HS2ST1: variants seen among roughly 807,000 people sequenced by gnomAD.
The protein encoded by HS2ST1 is 2-O-sulfotransferase.
Under a neutral mutation model 42.9 loss-of-function variants are expected in HS2ST1, and 18 were observed. The ratio of observed to expected loss-of-function variants is 0.42; its 90% CI spans 0.29 to 0.62. HS2ST1 has a LOEUF of 0.62. HS2ST1 is among the 20% of genes least tolerant of loss of function. The pLI is 0.21. For missense variants in HS2ST1, 334 were observed against 433.8 expected, an observed-to-expected ratio of 0.77 and a Z score of 2.04; for synonymous variants, 146 against 152.9, an observed-to-expected ratio of 0.95 and a Z score of 0.33.
chr1:86,966,873 TA>T (rs1292186707), intron 1 of HS2ST1, among the ~76,000 whole-genome samples: 1 of 150,580 alleles, frequency 6.6e-6, no homozygotes, highest in East Asian at 2.0e-4. Flanking sequence ...TTGGGTCATT[TA>T]AAAAAATAAT....
At chr1:86,927,611 GCAC>G (rs1482211927) in intron 1 of HS2ST1, among the ~76,000 whole-genome samples, 1 of 152,120 alleles carries the variant, frequency 6.6e-6, no homozygotes, top group Non-Finnish European at 1.5e-5. Context: ...GTACAGGTAA[GCAC>G]TCAGAAATGA....
intron 1 of HS2ST1, among the ~76,000 whole-genome samples, chr1:86,938,997 A>G (rs1405721700): frequency 6.6e-6 from 1 of 152,234 alleles, no homozygotes; most frequent in East Asian, 1.9e-4. Flanking sequence ...ACTTGAACAT[A>G]TATAAAGCTC....
At chr1:87,039,231 A>G (rs1028004173) in intron 1 of HS2ST1, among the ~76,000 whole-genome samples, 3 of 152,222 alleles carry the variant, frequency 2.0e-5, no homozygotes, top group Admixed American at 6.5e-5. Context: ...GCTAAAAGTT[A>G]AAGTATCTTG....
At chr1:86,993,235 A>G (rs1266522488) in intron 1 of HS2ST1, 5 of 1,318,266 alleles carry the variant, frequency 3.8e-6, no homozygotes, top group Admixed American at 2.6e-5. Flanking sequence ...GTATGCAACC[A>G]TACTTAGAAA....
chr1:86,921,004 A>C (rs1660280603), intron 1 of HS2ST1, among the ~76,000 whole-genome samples: 1 of 152,184 alleles, frequency 6.6e-6, no homozygotes, highest in African/African-American at 2.4e-5. Context: ...ATGTTGTCTT[A>C]ATTAGCTTGA....
At chr1:86,920,639 T>A (rs1028341801) in intron 1 of HS2ST1, among the ~76,000 whole-genome samples, 1 of 152,140 alleles carries the variant, frequency 6.6e-6, no homozygotes, top group Non-Finnish European at 1.5e-5. Context: ...CTTAGAGAAA[T>A]TGAAATAATA....
chr1:87,092,113 A>G (rs557216603), intron 3 of HS2ST1, among the ~76,000 whole-genome samples: 4 of 152,078 alleles, frequency 2.6e-5, no homozygotes, highest in Admixed American at 6.6e-5. Context: ...AATGTAATAA[A>G]GCAATTTTTA....
intron 1 of HS2ST1, among the ~76,000 whole-genome samples, chr1:87,007,041 A>G (rs186074703): frequency 3.9e-5 from 6 of 151,970 alleles, no homozygotes; most frequent in South Asian, 4.2e-4. Flanking sequence ...AGAAGGGTCA[A>G]TTTTTTTTCT....
At chr1:87,094,017 G>C (rs564254328) in intron 4 of HS2ST1, among the ~76,000 whole-genome samples, 1 of 152,014 alleles carries the variant, frequency 6.6e-6, no homozygotes, top group South Asian at 2.1e-4. Flanking sequence ...ATTTATTGTG[G>C]AGATTCTGCG....
At chr1:86,915,203 C>A in intron 1 of HS2ST1, 43 bp downstream of exon 1, 1 of 1,566,850 alleles carries the variant, frequency 6.4e-7, no homozygotes, top group Non-Finnish European at 8.6e-7. Flanking sequence ...GTGGAAGGGG[C>A]CGAGGAGGCG....
At chr1:87,005,716 A>G (rs1332673998) in intron 1 of HS2ST1, among the ~76,000 whole-genome samples, 1 of 152,176 alleles carries the variant, frequency 6.6e-6, no homozygotes, top group Non-Finnish European at 1.5e-5. Flanking sequence ...ATGCTCCTAA[A>G]TTATAATTAC....
intron 3 of HS2ST1, among the ~76,000 whole-genome samples, chr1:87,089,139 C>G (rs1651880820): frequency 6.6e-6 from 1 of 151,992 alleles, no homozygotes; most frequent in Non-Finnish European, 1.5e-5. Context: ...TGCAGTTGAT[C>G]TTTTAACCAT....
At chr1:87,001,600 T>G (rs1649283726) in intron 1 of HS2ST1, among the ~76,000 whole-genome samples, 1 of 152,238 alleles carries the variant, frequency 6.6e-6, no homozygotes, top group South Asian at 2.1e-4. Context: ...TGAAAAGTTG[T>G]TATTGTGGTA....
intron 1 of HS2ST1, chr1:87,046,186 T>C (rs1323423359): frequency 3.6e-6 from 3 of 841,354 alleles, no homozygotes; most frequent in East Asian, 3.0e-5. Context: ...GCAGCTGTTG[T>C]TCCTCTTATT....
intron 2 of HS2ST1, among the ~76,000 whole-genome samples, chr1:87,082,370 A>G (rs897530254): frequency 8.5e-5 from 13 of 152,188 alleles, no homozygotes; most frequent in African/African-American, 2.9e-4. Flanking sequence ...GTATACTCCA[A>G]GCTTGTACTA....
chr1:86,960,227 CAAAAA>C (rs145286319), intron 1 of HS2ST1, among the ~76,000 whole-genome samples: 1 of 131,490 alleles, frequency 7.6e-6, no homozygotes. Context: ...TCCACGCCAC[CAAAAA>C]AAAAAAAAAA....
intron 1 of HS2ST1, among the ~76,000 whole-genome samples, chr1:87,060,088 A>G (rs1231775156): frequency 1.3e-5 from 2 of 152,106 alleles, no homozygotes; most frequent in Non-Finnish European, 2.9e-5. Flanking sequence ...ATCAAGAATT[A>G]TGTTGTTTTT....
chr1:86,968,933 G>C (rs1211822640), intron 1 of HS2ST1, among the ~76,000 whole-genome samples: 3 of 152,160 alleles, frequency 2.0e-5, no homozygotes, highest in Admixed American at 1.3e-4. Context: ...CCATTCAGCT[G>C]AGTAGTGTAG....
At chr1:86,946,141 C>G (rs1475864463) in intron 1 of HS2ST1, among the ~76,000 whole-genome samples, 1 of 151,970 alleles carries the variant, frequency 6.6e-6, no homozygotes, top group East Asian at 1.9e-4. Context: ...TTTTTTTAAT[C>G]CAAACGTAGC....
Sources: allele counts gnomAD v4.1 joint callset (sites outside exome capture counted in the v4.1 genomes callset), GRCh38; gene constraint gnomAD v4.1.1; transcripts MANE v1.5; gene names NCBI Gene and HGNC (gene_info 2026-07-23, HGNC 2026-07-21).